Variants in ZC2HC1B observed in about 807,000 individuals in gnomAD.
The protein encoded by ZC2HC1B is zinc finger C2HC domain-containing protein 1B.
A neutral mutation model predicts 31.0 loss-of-function variants in ZC2HC1B; 36 were observed. The ratio of observed to expected loss-of-function variants is 1.16; its 90% CI spans 0.89 to 1.54. The LOEUF is 1.54. ZC2HC1B is among the 40% of genes most tolerant of loss of function. The pLI is 0.00. For synonymous variants in ZC2HC1B, 73 were observed against 88.0 expected (o/e 0.83, Z 0.95); for missense variants, 260 against 268.6 (o/e 0.97, Z 0.22).
intron 1 of ZC2HC1B, among the ~76,000 whole-genome samples, chr6:143,881,305 C>T (rs1562338231): frequency 6.6e-6 from 1 of 152,020 alleles, no homozygotes; most frequent in African/African-American, 2.4e-5. Context: ...AATCCCAATA[C>T]TTTGGGAGGC....
intron 6 of ZC2HC1B, among the ~76,000 whole-genome samples, chr6:143,935,140 T>TGGGCAG (rs1778161444): frequency 2.0e-5 from 3 of 151,244 alleles, no homozygotes; most frequent in East Asian, 3.9e-4. Flanking sequence ...ATGCTGGTGG[T>TGGGCAG]GGTGGGTCAA....
rs915600252 is a variant in ZC2HC1B at position 143,924,385 on chromosome 6, T to C, written c.599-13264T>C. Among the ~76,000 whole-genome samples, 3 of 151,470 alleles carry C rather than the reference T, an allele frequency of 2.0e-5. No homozygotes were observed. Among genetic ancestry groups the C allele is most frequent in the African/African-American group, 7.3e-5 (3 of 41,286 alleles). On this transcript the variant is annotated intron_variant, in intron 6 of 7. Coordinates refer to ENST00000237275, the MANE Select transcript of ZC2HC1B (RefSeq NM_001013623.3). The surrounding 1 kb of genome is among the most constrained non-coding windows in gnomAD (Gnocchi z 5.2). ...TATATGTATTACATATATATATCCA[T>C]GTATATATAATACACACACACACAT...
rs1484854701 is a variant in ZC2HC1B at position 143,898,571 on chromosome 6, T to G, written c.369T>G (p.Tyr123Ter). Residue 123 changes from tyrosine (Y) to a stop codon, truncating the protein, a stop_gained, in exon 5 of 8, where the codon TAT becomes TAG. Transcript: ENST00000237275. LOFTEE classifies it high-confidence loss of function. The part of the protein sequence containing the change: ...SLNPDYIQRP[Y>*]CMRRFNESAA... Reference sequence around the variant, plus strand: ...ATTCAGATTATATTCAACGTCCATATTGTATGAGAAGGTTTAATGAAAGCG... The same window carrying G: ...ATTCAGATTATATTCAACGTCCATAGTGTATGAGAAGGTTTAATGAAAGCG... The G allele has an allele frequency of 6.4e-7, 1 of 1,551,734 alleles. No homozygotes were observed. The highest frequency in any genetic ancestry group is 2.0e-5 in the Admixed American group (1 of 51,010).
intron 1 of ZC2HC1B, among the ~76,000 whole-genome samples, chr6:143,878,099 T>G (rs1398104507): frequency 6.6e-6 from 1 of 150,952 alleles, no homozygotes; most frequent in African/African-American, 2.4e-5. Context: ...CTTGTAACCC[T>G]AACATCAGTA....
rs1777545669 is a variant in ZC2HC1B, at chr6:143,887,626, G to A, written c.349+805G>A. ...ATCTCTTCGGTCTTTATTAAATCTT[G>A]AACAATATCCCTACCAGGCTATTCA... is the stretch of plus-strand genomic sequence containing the variant. On this transcript the variant is annotated intron_variant, in intron 4 of 7. Transcript: ENST00000237275. The surrounding 1 kb of genome is among the most constrained non-coding windows in gnomAD (Gnocchi z 5.1). Among the ~76,000 whole-genome samples the A allele has an allele frequency of 6.6e-6, 1 of 152,020 alleles. No individual in the cohort carries two copies. The highest frequency in any genetic ancestry group is 1.5e-5 in the Non-Finnish European group (1 of 68,006).
chr6:143,915,610 A>C lies in ZC2HC1B; in HGVS notation c.598+12458A>C, dbSNP rs779476711. On this transcript the variant is annotated intron_variant, in intron 6 of 7. Coordinates refer to ENST00000237275, the MANE Select transcript of ZC2HC1B (RefSeq NM_001013623.3). This position sits in a 1 kb window ranked among gnomAD's most constrained non-coding sequence, Gnocchi z 5.2. ...GAATGGCTTTGACCAAAATGTTGATAGTGATACGGACAATGAAATCCAGGC... is the reference window on the plus strand; with the variant it reads ...GAATGGCTTTGACCAAAATGTTGATCGTGATACGGACAATGAAATCCAGGC... Among the ~76,000 whole-genome samples the C allele has an allele frequency of 2.0e-5, 3 of 152,250 alleles. No individual in the cohort carries two copies. The highest frequency in any genetic ancestry group is 4.4e-5 in the Non-Finnish European group (3 of 68,054).
intron 6 of ZC2HC1B, among the ~76,000 whole-genome samples, chr6:143,904,994 A>T (rs1777777772): frequency 6.6e-6 from 1 of 152,326 alleles, no homozygotes; most frequent in Middle Eastern, 3.4e-3. Flanking sequence ...GTAAGTTTTG[A>T]CATCAGGAAC....
rs1385569716 is a variant in ZC2HC1B, at chr6:143,883,208, T to C, written c.29-1096T>C. Among the ~76,000 whole-genome samples the C allele has an allele frequency of 6.6e-6, 1 of 152,098 alleles. No homozygotes were observed. Among genetic ancestry groups the C allele is most frequent in the Middle Eastern group, 3.2e-3 (1 of 316 alleles). ...GCGCGAGCCACCAAGCCCAACTAATTTTTTATTTTGTGTAGAGACACAATC... is the reference window on the plus strand; with the variant it reads ...GCGCGAGCCACCAAGCCCAACTAATCTTTTATTTTGTGTAGAGACACAATC... On this transcript the variant is annotated intron_variant, in intron 1 of 7. Coordinates refer to ENST00000237275, the MANE Select transcript of ZC2HC1B (RefSeq NM_001013623.3). This position sits in a 1 kb window ranked among gnomAD's most constrained non-coding sequence, Gnocchi z 4.1.
rs941076141 is a variant in ZC2HC1B, at chr6:143,898,642, G to A, written c.440G>A (p.Arg147Gln). The A allele has an allele frequency of 1.3e-5, 20 of 1,552,012 alleles. No homozygotes were observed. Among genetic ancestry groups the A allele is most frequent in the East Asian group, 1.2e-4 (5 of 40,934 alleles). ...TNFCKDQSSR[R>Q]VFNPAQTAAK... ...TTCTGCAAGGATCAGTCTTCTCGCC[G>A]AGTCTTTAATCCAGCTCAGACAGCA... Residue 147 changes from arginine to glutamine, a missense_variant, in exon 5 of 8, where the codon CGA becomes CAA. Transcript: ENST00000237275.
chr6:143,923,560 T>A lies in ZC2HC1B; in HGVS notation c.599-14089T>A. ...GTCTGAGAGCATTTTCCCTATTTTCTTCTAGTAGTTTCATAGTTTTGGGTC... is the reference window on the plus strand; with the variant it reads ...GTCTGAGAGCATTTTCCCTATTTTCATCTAGTAGTTTCATAGTTTTGGGTC... On this transcript the variant is annotated intron_variant, in intron 6 of 7. Coordinates refer to ENST00000237275, the MANE Select transcript of ZC2HC1B (RefSeq NM_001013623.3). The surrounding 1 kb of genome is among the most constrained non-coding windows in gnomAD (Gnocchi z 4.8). 6.6e-6 allele frequency among the ~76,000 whole-genome samples: 1 copy of A among 152,178 alleles called. No individual in the cohort carries two copies. Among genetic ancestry groups the A allele is most frequent in the Non-Finnish European group, 1.5e-5 (1 of 68,004 alleles).
At position 143,926,626 on chromosome 6, in the gene ZC2HC1B, C is replaced by T. The variant is rs568075661; in HGVS notation, c.599-11023C>T. Among the ~76,000 whole-genome samples, 13 of 151,966 alleles carry T rather than the reference C, an allele frequency of 8.6e-5. No homozygotes were observed. The South Asian group carries it at 2.1e-3, about 24-fold the overall frequency. ...ATATTCCATGCATGTCTTTTAGGTA[C>T]GTTGATCTGAAGTGCAATTTAAATC... On this transcript the variant is annotated intron_variant, in intron 6 of 7. Coordinates refer to ENST00000237275, the MANE Select transcript of ZC2HC1B (RefSeq NM_001013623.3).
chr6:143,878,603 A>T (rs979486230), intron 1 of ZC2HC1B, among the ~76,000 whole-genome samples: 5 of 150,702 alleles, frequency 3.3e-5, no homozygotes, highest in Admixed American at 2.6e-4. Context: ...TTCAGTCATG[A>T]GTTACAGCAC....
intron 6 of ZC2HC1B, among the ~76,000 whole-genome samples, chr6:143,925,034 T>A (rs1296212480): frequency 6.6e-6 from 1 of 152,164 alleles, no homozygotes; most frequent in Non-Finnish European, 1.5e-5. Context: ...CTCCTTTGAA[T>A]TTTCTGAAAT....
Position 143,934,360 on chromosome 6 carries a change from A to G in ZC2HC1B, c.599-3289A>G, listed in dbSNP as rs1424086961. Among the ~76,000 whole-genome samples the G allele has an allele frequency of 2.0e-5, 3 of 152,214 alleles. No individual in the cohort carries two copies. Among genetic ancestry groups the G allele is most frequent in the Non-Finnish European group, 2.9e-5 (2 of 68,032 alleles). On this transcript the variant is annotated intron_variant, in intron 6 of 7. Transcript: ENST00000237275. The surrounding 1 kb of genome is among the most constrained non-coding windows in gnomAD (Gnocchi z 4.6). Reference sequence around the variant, plus strand: ...CTGTCCATCCAAGTGGGAGCTACTTATCAGCCCTGTCCCCTATCTGCCATC... The same window carrying G: ...CTGTCCATCCAAGTGGGAGCTACTTGTCAGCCCTGTCCCCTATCTGCCATC...
intron 4 of ZC2HC1B, among the ~76,000 whole-genome samples, chr6:143,890,861 G>A (rs777012542): frequency 2.6e-4 from 39 of 152,108 alleles, no homozygotes; most frequent in Non-Finnish European, 4.3e-4. Context: ...TGGGCGCAGT[G>A]GCTCATACCT....
intron 1 of ZC2HC1B, among the ~76,000 whole-genome samples, chr6:143,876,845 G>A (rs182354317): frequency 6.7e-6 from 1 of 150,250 alleles, no homozygotes; most frequent in Admixed American, 6.6e-5. Context: ...GTATTTTTCT[G>A]CCTGCTTTAT....
In ZC2HC1B at chr6:143,924,165, C is replaced by T. The variant is rs566177231; in HGVS notation, c.599-13484C>T. Among the ~76,000 whole-genome samples the T allele has an allele frequency of 1.3e-5, 2 of 151,978 alleles. No individual in the cohort carries two copies. Among genetic ancestry groups the T allele is most frequent in the East Asian group, 3.9e-4 (2 of 5,188 alleles). ...TTTCCTCGTAAGCGTCTTTCACTTT[C>T]TTGGTTTAATTTATTCCTAAGTATT... On this transcript the variant is annotated intron_variant, in intron 6 of 7. Transcript: ENST00000237275. This position sits in a 1 kb window ranked among gnomAD's most constrained non-coding sequence, Gnocchi z 5.2.
At chr6:143,892,987 G>T (rs916029740) in intron 4 of ZC2HC1B, among the ~76,000 whole-genome samples, 34 of 144,832 alleles carry the variant, frequency 2.3e-4, no homozygotes, top group African/African-American at 8.8e-4. Context: ...CTGGTCTGAA[G>T]AAATGATGAA....
intron 5 of ZC2HC1B, among the ~76,000 whole-genome samples, chr6:143,901,494 A>G (rs534290448): frequency 1.3e-5 from 2 of 151,924 alleles, no homozygotes; most frequent in Admixed American, 1.3e-4. Flanking sequence ...TCCTGACCTC[A>G]GGTGATCTGC....
Sources: allele counts gnomAD v4.1 joint callset (sites outside exome capture counted in the v4.1 genomes callset), GRCh38; gene constraint gnomAD v4.1.1; non-coding constraint Gnocchi (gnomAD v3.1); transcripts MANE v1.5; gene names NCBI Gene and HGNC (gene_info 2026-07-23, HGNC 2026-07-21).